MYRIP: variants seen among roughly 807,000 people sequenced by gnomAD.
MYRIP encodes the protein rab effector MyRIP.
A neutral mutation model predicts 98.0 loss-of-function variants in MYRIP; 49 were observed. That is an observed-to-expected ratio of 0.50 (90% confidence interval 0.40 to 0.63). MYRIP has a LOEUF of 0.63. MYRIP is among the 30% of genes least tolerant of loss of function. The pLI, the probability that MYRIP is intolerant of heterozygous loss-of-function variation, is 0.00. For missense variants in MYRIP, 1,004 were observed against 1,058.2 expected (o/e 0.95, Z 0.71); for synonymous variants, 404 against 409.5 (o/e 0.99, Z 0.16).
chr3:39,854,543 C>G (rs543456983), intron 1 of MYRIP, among the ~76,000 whole-genome samples: 1 of 152,144 alleles, frequency 6.6e-6, no homozygotes, highest in African/African-American at 2.4e-5. Context: ...CATCCATATC[C>G]TGTACTGTTT....
intron 1 of MYRIP, among the ~76,000 whole-genome samples, chr3:39,859,714 A>C (rs1180986797): frequency 6.6e-6 from 1 of 152,260 alleles, no homozygotes; most frequent in African/African-American, 2.4e-5. Context: ...AGGATGGTTC[A>C]ACATATACAA....
At chr3:39,893,450 C>A (rs1353841523) in intron 1 of MYRIP, among the ~76,000 whole-genome samples, 1 of 152,042 alleles carries the variant, frequency 6.6e-6, no homozygotes, top group Admixed American at 6.6e-5. Flanking sequence ...TTTATGGTCT[C>A]TGCAGCTATA....
intron 2 of MYRIP, among the ~76,000 whole-genome samples, chr3:40,024,995 TG>T (rs1285270852): frequency 6.6e-6 from 1 of 152,234 alleles, no homozygotes; most frequent in Non-Finnish European, 1.5e-5. Context: ...CATTTCAGGA[TG>T]CTGCTGATAT....
intron 1 of MYRIP, among the ~76,000 whole-genome samples, chr3:39,813,507 C>T (rs920667584): frequency 2.0e-5 from 3 of 152,104 alleles, no homozygotes; most frequent in Non-Finnish European, 4.4e-5. Context: ...GATGGCTTTC[C>T]AATTTTAAGA....
chr3:40,047,360 T>C (rs2125835253), intron 3 of MYRIP, among the ~76,000 whole-genome samples: 1 of 152,308 alleles, frequency 6.6e-6, no homozygotes, highest in East Asian at 1.9e-4. Flanking sequence ...AAGCTGAGCA[T>C]TAGAAAATAA....
At chr3:40,078,530 C>A (rs980725741) in intron 3 of MYRIP, among the ~76,000 whole-genome samples, 9 of 152,208 alleles carry the variant, frequency 5.9e-5, no homozygotes, top group Non-Finnish European at 1.2e-4. Flanking sequence ...ACCATGAGCC[C>A]TTTGGAATTG....
chr3:39,860,363 G>A (rs1355034552), intron 1 of MYRIP, among the ~76,000 whole-genome samples: 3 of 152,194 alleles, frequency 2.0e-5, no homozygotes, highest in Non-Finnish European at 2.9e-5. Flanking sequence ...GAGCCCAGAG[G>A]GTTTGATATG....
In MYRIP at chr3:39,816,372, G is replaced by A. The variant is rs527403623; in HGVS notation, c.-31+6456G>A. ...GCTGGGATTACAGGCGTGAGCCACC[G>A]CACCAGCCTGAATTTGCCTTTTCAA... On this transcript the variant is annotated intron_variant, in intron 1 of 16. Coordinates refer to ENST00000302541, the MANE Select transcript of MYRIP (RefSeq NM_015460.4). Among the ~76,000 whole-genome samples, 42 of 152,254 alleles carry A rather than the reference G, an allele frequency of 2.8e-4. 4 individuals carry two copies. In the South Asian group the frequency reaches 7.9e-3, roughly 29 times the overall value.
chr3:39,994,668 T>C (rs1946288736), intron 2 of MYRIP, among the ~76,000 whole-genome samples: 1 of 152,226 alleles, frequency 6.6e-6, no homozygotes, highest in African/African-American at 2.4e-5. Context: ...AATGTCCCTG[T>C]CCGACAGCTT....
rs373692660 is a variant in MYRIP, at chr3:40,151,065, C to G, written c.350C>G (p.Ser117Cys). The part of the protein sequence containing the change: ...CQQARLLRAQ[S>C]LEWFYNNVKS... ...TTCCTCAGGCTTCTGAGGGCCCAAT[C>G]TCTGGAATGGTTCTACAATAATGTG... Residue 117 changes from serine (S) to cysteine (C), a missense_variant, in exon 4 of 17, where the codon TCT becomes TGT. Transcript: ENST00000302541. 1.9e-6 allele frequency: 3 copies of G among 1,595,256 alleles called. No homozygotes were observed. Among genetic ancestry groups the G allele is most frequent in the African/African-American group, 2.7e-5 (2 of 74,384 alleles).
intron 7 of MYRIP, 67 bp downstream of exon 7, chr3:40,167,306 A>T: frequency 7.1e-7 from 1 of 1,416,162 alleles, no homozygotes; most frequent in Non-Finnish European, 9.9e-7. Flanking sequence ...GACTCTGGCA[A>T]GTAGCAGGTG....
chr3:40,069,602 C>T (rs191075575), intron 3 of MYRIP, among the ~76,000 whole-genome samples: 1 of 152,250 alleles, frequency 6.6e-6, no homozygotes, highest in Admixed American at 6.5e-5. Flanking sequence ...CTTTCCTCCC[C>T]CAGCTCCTGG....
chr3:40,006,336 C>A (rs1946632319), intron 2 of MYRIP, among the ~76,000 whole-genome samples: 1 of 152,100 alleles, frequency 6.6e-6, no homozygotes, highest in Non-Finnish European at 1.5e-5. Flanking sequence ...TTGCAGTAAG[C>A]CGAGACTGCG....
chr3:39,939,032 C>A (rs992064397), intron 2 of MYRIP, among the ~76,000 whole-genome samples: 2 of 152,134 alleles, frequency 1.3e-5, no homozygotes, highest in African/African-American at 4.8e-5. Context: ...CTGGCCAGTC[C>A]TCTGTCCACC....
rs548332704 is a variant in MYRIP, at chr3:39,974,235, T to C, written c.111-69815T>C. Among the ~76,000 whole-genome samples the C allele has an allele frequency of 9.1e-3, 1,381 of 151,938 alleles. 15 individuals carry two copies. The highest frequency in any genetic ancestry group is 0.032 in the African/African-American group (1,321 of 41,464). On this transcript the variant is annotated intron_variant, in intron 2 of 16. Coordinates refer to ENST00000302541, the MANE Select transcript of MYRIP (RefSeq NM_015460.4). ...AAAGGGGATATCACCACCGATCCCA[T>C]AGAAATACAAACTACCATCAGAGAA...
intron 3 of MYRIP, among the ~76,000 whole-genome samples, chr3:40,143,427 C>T (rs148067188): frequency 1.3e-5 from 2 of 152,240 alleles, no homozygotes; most frequent in African/African-American, 2.4e-5. Context: ...GCCCTCTCCC[C>T]GCACCTCTGC....
chr3:40,078,310 C>T (rs1948399139), intron 3 of MYRIP, among the ~76,000 whole-genome samples: 1 of 152,224 alleles, frequency 6.6e-6, no homozygotes, highest in Non-Finnish European at 1.5e-5. Context: ...ACCTCTCTCC[C>T]TCCACACCTC....
intron 2 of MYRIP, among the ~76,000 whole-genome samples, chr3:40,015,454 G>A (rs1419096418): frequency 6.6e-6 from 1 of 152,200 alleles, no homozygotes; most frequent in Admixed American, 6.5e-5. Context: ...CTTTCACAGA[G>A]GCTACAGTAA....
chr3:40,002,736 G>A (rs1946546899), intron 2 of MYRIP, among the ~76,000 whole-genome samples: 1 of 151,848 alleles, frequency 6.6e-6, no homozygotes, highest in South Asian at 2.1e-4. Context: ...ACACATACAT[G>A]CTATTAAAAT....
Sources: allele counts gnomAD v4.1 joint callset (sites outside exome capture counted in the v4.1 genomes callset), GRCh38; gene constraint gnomAD v4.1.1; transcripts MANE v1.5; gene names NCBI Gene and HGNC (gene_info 2026-07-23, HGNC 2026-07-21).